The following MTMR7 variants were observed in gnomAD, a reference collection of about 807,000 sequenced individuals.
MTMR7 encodes the protein phosphatidylinositol-3-phosphate phosphatase MTMR7.
In MTMR7, 76 loss-of-function variants were observed where a neutral mutation model predicts 81.2. That is an observed-to-expected ratio of 0.94 (90% CI 0.78 to 1.13). MTMR7 has a LOEUF of 1.13. MTMR7 is among the 50% of genes most tolerant of loss of function. The pLI is 0.00. For synonymous variants in MTMR7, 372 were observed against 289.8 expected (o/e 1.28, Z -2.88); for missense variants, 1,044 against 820.0 (o/e 1.27, Z -3.34).
rs1816974710 is a variant in MTMR7, at chr8:17,299,715, T to G, written c.*147A>C. 9.4e-7 allele frequency: 1 copy of G among 1,065,022 alleles called. No individual in the cohort carries two copies. The highest frequency in any genetic ancestry group is 1.3e-6 in the Non-Finnish European group (1 of 742,768). 66.0% of individuals were successfully genotyped at this position (1,065,022 alleles called of 1,614,324 possible). A position where few individuals can be genotyped will look rare whatever the true frequency, so the allele number is the denominator to read the frequency against. On this transcript the variant is annotated 3_prime_UTR_variant, in exon 14 of 14. Transcript: ENST00000180173. Reference sequence around the variant, plus strand: ...CTTCAGTATCTAAGAAATCAAGAACTGGGCACTTTTTTCCCTTTTCATAGC... The same window carrying G: ...CTTCAGTATCTAAGAAATCAAGAACGGGGCACTTTTTTCCCTTTTCATAGC...
chr8:17,368,505 G>T (rs556623989), intron 3 of MTMR7, among the ~76,000 whole-genome samples: 4 of 152,288 alleles, frequency 2.6e-5, no homozygotes, highest in African/African-American at 9.6e-5. Flanking sequence ...TGCCCTTAAA[G>T]GCAGTGGACG....
chr8:17,314,824 G>A (rs539641195), intron 7 of MTMR7, among the ~76,000 whole-genome samples: 1 of 152,344 alleles, frequency 6.6e-6, no homozygotes, highest in East Asian at 1.9e-4. Flanking sequence ...TGAAGGGACA[G>A]CCCTTTGAAT....
Position 17,302,141 on chromosome 8 carries a change from A to G in MTMR7, c.1620+13T>C. 2 of 1,614,034 alleles carry G rather than the reference A, an allele frequency of 1.2e-6. No homozygotes were observed. The highest frequency in any genetic ancestry group is 1.7e-6 in the Non-Finnish European group (2 of 1,179,948). On this transcript the variant is annotated intron_variant, in intron 13 of 13. Transcript: ENST00000180173. ...AGCACAGAAAATAGATTAACAAAGCAAGTATGTCTTACTTCTTCCAGGGCC... is the reference window on the plus strand; with the variant it reads ...AGCACAGAAAATAGATTAACAAAGCGAGTATGTCTTACTTCTTCCAGGGCC...
At chr8:17,329,298 A>G (rs1818869146) in intron 7 of MTMR7, among the ~76,000 whole-genome samples, 1 of 152,226 alleles carries the variant, frequency 6.6e-6, no homozygotes, top group South Asian at 2.1e-4. Flanking sequence ...TTTACTCGGT[A>G]AAAACAGATA....
At chr8:17,343,198 G>T (rs186548764) in intron 5 of MTMR7, among the ~76,000 whole-genome samples, 1 of 152,016 alleles carries the variant, frequency 6.6e-6, no homozygotes, top group African/African-American at 2.4e-5. Flanking sequence ...AGGCCGAGGC[G>T]GGGGGATAAC....
intron 6 of MTMR7, among the ~76,000 whole-genome samples, chr8:17,339,783 T>C (rs1388170936): frequency 6.6e-6 from 1 of 152,238 alleles, no homozygotes; most frequent in African/African-American, 2.4e-5. Flanking sequence ...AGCTGATTCA[T>C]ATGGTAACTC....
intron 3 of MTMR7, among the ~76,000 whole-genome samples, chr8:17,370,326 G>A (rs1366556173): frequency 5.3e-5 from 8 of 151,830 alleles, no homozygotes; most frequent in Non-Finnish European, 8.8e-5. Flanking sequence ...TTCAAGACCA[G>A]CCTGGCCAAC....
At chr8:17,307,474 G>A (rs1295005555) in intron 10 of MTMR7, among the ~76,000 whole-genome samples, 1 of 152,128 alleles carries the variant, frequency 6.6e-6, no homozygotes, top group Non-Finnish European at 1.5e-5. Context: ...GGAAGTCAGT[G>A]TGGCGATTCC....
At chr8:17,404,428 T>A (rs576947963) in intron 1 of MTMR7, among the ~76,000 whole-genome samples, 2 of 152,268 alleles carry the variant, frequency 1.3e-5, no homozygotes, top group South Asian at 4.2e-4. Context: ...GATATACAAA[T>A]TATTTTCTTA....
In MTMR7 at chr8:17,340,778, G is replaced by A. The variant is rs6651472; in HGVS notation, c.732+585C>T. Among the ~76,000 whole-genome samples the A allele has an allele frequency of 2.2e-3, 342 of 152,172 alleles. 5 individuals are homozygous for A. The highest frequency in any genetic ancestry group is 7.7e-3 in the African/African-American group (319 of 41,520). On this transcript the variant is annotated intron_variant, in intron 6 of 13. Coordinates refer to ENST00000180173, the MANE Select transcript of MTMR7 (RefSeq NM_004686.5). The stretch of plus-strand genomic sequence containing the variant: ...AATCAACAAGTAGAAAGCCCTCTAC[G>A]TCCGCAAATCCTACTCCCTTCTCCA...
chr8:17,374,628 T>C (rs932811430), intron 1 of MTMR7, among the ~76,000 whole-genome samples: 9 of 151,110 alleles, frequency 6.0e-5, no homozygotes, highest in African/African-American at 2.2e-4. Flanking sequence ...TCAAAATAAA[T>C]AAATAAATAA....
intron 7 of MTMR7, among the ~76,000 whole-genome samples, chr8:17,315,896 C>G (rs945642188): frequency 6.6e-6 from 1 of 152,186 alleles, no homozygotes; most frequent in South Asian, 2.1e-4. Context: ...GCCTACTGTC[C>G]CAGCTACTTG....
At chr8:17,412,509 G>A (rs1474302169) in intron 1 of MTMR7, among the ~76,000 whole-genome samples, 1 of 152,170 alleles carries the variant, frequency 6.6e-6, no homozygotes, top group Non-Finnish European at 1.5e-5. Context: ...TAGATTATCA[G>A]TACAACTGAG....
At chr8:17,301,333 G>A (rs1308457852) in intron 13 of MTMR7, among the ~76,000 whole-genome samples, 1 of 152,218 alleles carries the variant, frequency 6.6e-6, no homozygotes, top group Non-Finnish European at 1.5e-5. Context: ...AAGTTTCAGG[G>A]AGGAAGGAAC....
Position 17,309,478 on chromosome 8 carries a change from T to G in MTMR7, c.1102-152A>C, listed in dbSNP as rs182951775. On this transcript the variant is annotated intron_variant, in intron 9 of 13. Coordinates refer to ENST00000180173, the MANE Select transcript of MTMR7 (RefSeq NM_004686.5). The stretch of plus-strand genomic sequence containing the variant: ...CATGAACAGGCATTATCCACCCATA[T>G]AGAGATGCACATGGCAAAGGCAAAG... 281 of 653,128 alleles carry G rather than the reference T, an allele frequency of 4.3e-4. No individual in the cohort carries two copies. The African/African-American group carries it at 4.4e-3, about 10-fold the overall frequency. The allele number at this position is 653,128 out of a possible 1,614,324, so 40.5% of individuals were successfully genotyped here. A position where few individuals can be genotyped will look rare whatever the true frequency, so the allele number is the denominator to read the frequency against.
In MTMR7 at chr8:17,309,265, A is replaced by C; in HGVS notation, c.1151+12T>G. The C allele has an allele frequency of 2.0e-6, 3 of 1,496,444 alleles. No homozygotes were observed. The highest frequency in any genetic ancestry group is 1.9e-6 in the Non-Finnish European group (2 of 1,075,238). 92.7% of individuals were successfully genotyped at this position (1,496,444 alleles called of 1,614,324 possible). ...ATTCTAAACATTCAAAACAGTCTTA[A>C]ATATTACTTACCGGTGATTAAACTT... On this transcript the variant is annotated intron_variant, in intron 10 of 13. Coordinates refer to ENST00000180173, the MANE Select transcript of MTMR7 (RefSeq NM_004686.5).
At chr8:17,337,909 G>A (rs1819298135) in intron 6 of MTMR7, among the ~76,000 whole-genome samples, 1 of 152,042 alleles carries the variant, frequency 6.6e-6, no homozygotes, top group African/African-American at 2.4e-5. Context: ...TCTCATGTGG[G>A]GCTAGCCTTG....
At chr8:17,312,255 A>G (rs1000396609) in intron 8 of MTMR7, among the ~76,000 whole-genome samples, 11 of 152,298 alleles carry the variant, frequency 7.2e-5, no homozygotes, top group Admixed American at 7.2e-4. Flanking sequence ...ATCACTACCT[A>G]AAATTCTAGT....
chr8:17,309,258 A>C lies in MTMR7; in HGVS notation c.1151+19T>G. 3 of 1,439,182 alleles carry C rather than the reference A, an allele frequency of 2.1e-6. No homozygotes were observed. The highest frequency in any genetic ancestry group is 2.9e-6 in the Non-Finnish European group (3 of 1,028,494). 89.2% of individuals were successfully genotyped at this position (1,439,182 alleles called of 1,614,324 possible). ...TGCTTTTATTCTAAACATTCAAAACAGTCTTAAATATTACTTACCGGTGAT... is the reference window on the plus strand; with the variant it reads ...TGCTTTTATTCTAAACATTCAAAACCGTCTTAAATATTACTTACCGGTGAT... On this transcript the variant is annotated intron_variant, in intron 10 of 13. Transcript: ENST00000180173.
Sources: gnomAD v4.1 joint callset for allele counts (sites outside exome capture counted in the v4.1 genomes callset) on GRCh38, gnomAD v4.1.1 for gene constraint, MANE v1.5 for transcripts, NCBI Gene and HGNC (gene_info 2026-07-23, HGNC 2026-07-21) for gene names.